CFAP77: variants seen among roughly 807,000 people sequenced by gnomAD.
The protein encoded by CFAP77 is cilia- and flagella-associated protein 77.
A neutral mutation model predicts 31.1 loss-of-function variants in CFAP77; 25 were observed. That is an observed-to-expected ratio of 0.80 (90% confidence interval 0.59 to 1.12). CFAP77 has a LOEUF of 1.12. CFAP77 is among the 50% of genes most tolerant of loss of function. CFAP77 has a pLI of 0.00. For missense variants in CFAP77, 377 were observed against 397.3 expected (o/e 0.95, Z 0.44); for synonymous variants, 151 against 159.9 (o/e 0.94, Z 0.42).
chr9:132,470,088 C>T (rs926617873), intron 1 of CFAP77, among the ~76,000 whole-genome samples: 1 of 152,194 alleles, frequency 6.6e-6, no homozygotes, highest in Admixed American at 6.5e-5. Context: ...ATCTGCCCAC[C>T]TCAGCCTCCC....
chr9:132,411,518 G>T (rs1371834925), intron 1 of CFAP77, among the ~76,000 whole-genome samples: 1 of 152,158 alleles, frequency 6.6e-6, no homozygotes, highest in Non-Finnish European at 1.5e-5. Context: ...CTGCCTAGGC[G>T]CAGGCTGCAC....
At position 132,525,315 on chromosome 9, in the gene CFAP77, C is replaced by T. The variant is rs12336723; in HGVS notation, c.525-12286C>T. On this transcript the variant is annotated intron_variant, in intron 3 of 5. Coordinates refer to ENST00000393216, the MANE Select transcript of CFAP77 (RefSeq NM_001282957.2). ...GATTACAGGTGTGAGCCACCACGCT[C>T]GGCCCCAGTATGATAGTAATTTTAA... Among the ~76,000 whole-genome samples, 1,324 of 152,216 alleles carry T rather than the reference C, an allele frequency of 8.7e-3. 29 individuals are homozygous for T. The highest frequency in any genetic ancestry group is 0.029 in the African/African-American group (1,206 of 41,526).
intron 3 of CFAP77, among the ~76,000 whole-genome samples, chr9:132,500,239 C>T (rs528269963): frequency 4.6e-5 from 7 of 152,212 alleles, no homozygotes; most frequent in African/African-American, 7.2e-5. Flanking sequence ...GCACCACCCC[C>T]GGGAAGCCAG....
chr9:132,476,791 C>G (rs961352171), intron 1 of CFAP77, among the ~76,000 whole-genome samples: 1 of 152,108 alleles, frequency 6.6e-6, no homozygotes, highest in Non-Finnish European at 1.5e-5. Flanking sequence ...CACCAGCAGC[C>G]GGGAGAGAGG....
At chr9:132,453,990 A>C (rs1850873469) in intron 1 of CFAP77, among the ~76,000 whole-genome samples, 1 of 152,238 alleles carries the variant, frequency 6.6e-6, no homozygotes, top group African/African-American at 2.4e-5. Context: ...CCTAATAAGT[A>C]GGTTGCCCAG....
In CFAP77 at chr9:132,495,462, G is replaced by T. The variant is rs1011240079; in HGVS notation, c.196-3233G>T. Among the ~76,000 whole-genome samples, 1 of 152,142 alleles carries T rather than the reference G, an allele frequency of 6.6e-6. No homozygotes were observed. ...GGCCGGATCATTTTCATAAACAAAT[G>T]AGAGGCCAGAGCTTTGTCTGTAACT... On this transcript the variant is annotated intron_variant, in intron 1 of 5. Coordinates refer to ENST00000393216, the MANE Select transcript of CFAP77 (RefSeq NM_001282957.2). This position sits in a 1 kb window ranked among gnomAD's most constrained non-coding sequence, Gnocchi z 4.2.
chr9:132,491,795 G>C (rs1851656861), intron 1 of CFAP77, among the ~76,000 whole-genome samples: 1 of 152,166 alleles, frequency 6.6e-6, no homozygotes, highest in African/African-American at 2.4e-5. Context: ...TGAGAAGTTT[G>C]GTGATGTTTT....
intron 5 of CFAP77, among the ~76,000 whole-genome samples, chr9:132,556,474 G>T (rs774935263): frequency 4.0e-4 from 61 of 152,218 alleles, no homozygotes; most frequent in Non-Finnish European, 6.0e-4. Flanking sequence ...ATTGAAAGCG[G>T]CCTCACTGTC....
At chr9:132,482,441 A>G in intron 1 of CFAP77, 2 of 1,585,754 alleles carry the variant, frequency 1.3e-6, no homozygotes, top group Non-Finnish European at 1.7e-6. Flanking sequence ...CTGCTAAAAT[A>G]ATGTCACCCT....
intron 1 of CFAP77, among the ~76,000 whole-genome samples, chr9:132,450,220 A>G (rs557170845): frequency 1.8e-3 from 276 of 151,022 alleles, no homozygotes; most frequent in Non-Finnish European, 3.5e-3. Flanking sequence ...GTGAGCCACC[A>G]CGCCCGGCCG....
intron 1 of CFAP77, among the ~76,000 whole-genome samples, chr9:132,458,357 G>GTGGGGGT (rs1554738861): frequency 8.4e-6 from 1 of 119,116 alleles, no homozygotes; most frequent in Non-Finnish European, 1.7e-5. Flanking sequence ...GAGGGGGGGG[G>GTGGGGGT]GTGTGTATGG....
At chr9:132,537,748 G>A in intron 4 of CFAP77, 42 bp downstream of exon 4, 1 of 1,491,668 alleles carries the variant, frequency 6.7e-7, no homozygotes, top group Non-Finnish European at 9.3e-7. Flanking sequence ...CTGATGGGGT[G>A]GAGAAGAGAG....
intron 1 of CFAP77, among the ~76,000 whole-genome samples, chr9:132,442,561 A>G (rs1850630114): frequency 6.6e-6 from 1 of 152,120 alleles, no homozygotes; most frequent in African/African-American, 2.4e-5. Flanking sequence ...TCAAAAAAGA[A>G]ATCTCTGTGT....
chr9:132,469,988 T>C (rs550049952), intron 1 of CFAP77, among the ~76,000 whole-genome samples: 13 of 152,164 alleles, frequency 8.5e-5, no homozygotes, highest in African/African-American at 3.1e-4. Context: ...AACAGGCATG[T>C]GCCACCACAC....
At chr9:132,544,887 C>T (rs1277106795) in intron 5 of CFAP77, among the ~76,000 whole-genome samples, 1 of 152,212 alleles carries the variant, frequency 6.6e-6, no homozygotes, top group Non-Finnish European at 1.5e-5. Context: ...CTGGCATGGG[C>T]TGCCCTCTGC....
In CFAP77 at chr9:132,501,227, T is replaced by C. The variant is rs1158881021; in HGVS notation, c.524+1627T>C. On this transcript the variant is annotated intron_variant, in intron 3 of 5. Coordinates refer to ENST00000393216, the MANE Select transcript of CFAP77 (RefSeq NM_001282957.2). The surrounding 1 kb of genome is among the most constrained non-coding windows in gnomAD (Gnocchi z 4.6). ...ATCAGCATCAGGTCTCTCTGTTTCT[T>C]GGCTGTGCTTCCTGATTTTGGCTCC... Among the ~76,000 whole-genome samples, 3 of 152,216 alleles carry C rather than the reference T, an allele frequency of 2.0e-5. No individual in the cohort carries two copies. The highest frequency in any genetic ancestry group is 7.2e-5 in the African/African-American group (3 of 41,456).
chr9:132,421,927 AT>A lies in CFAP77; in HGVS notation c.195+11464del, dbSNP rs552475975. On this transcript the variant is annotated intron_variant, in intron 1 of 5. Transcript: ENST00000393216. ...CCATCCTTCATTTGCTCATTTGACC[AT>A]TTGCAAAATGTTTATTGAGGAGCTG... is the stretch of plus-strand genomic sequence containing the variant. 3.7e-4 allele frequency among the ~76,000 whole-genome samples: 57 copies of A among 152,058 alleles called. No homozygotes were observed. In the South Asian group the frequency reaches 0.01, roughly 28 times the overall value.
intron 1 of CFAP77, among the ~76,000 whole-genome samples, chr9:132,458,611 G>A (rs76805506): frequency 0.028 from 4,335 of 152,236 alleles, 208 homozygotes; most frequent in African/African-American, 0.098. Flanking sequence ...ACTGTCCGGT[G>A]GAACTTTCTG....
rs1280830336 is a variant in CFAP77 at position 132,529,834 on chromosome 9, AAAAG to A, written c.525-7763_525-7760del. ...ACCAAGACTCTGTCTCAAAAAAAAA[AAAAG>A]AAAAGAAAAGAAAAGAAAAAGAAAC... On this transcript the variant is annotated intron_variant, in intron 3 of 5. Coordinates refer to ENST00000393216, the MANE Select transcript of CFAP77 (RefSeq NM_001282957.2). Among the ~76,000 whole-genome samples, 486 of 146,064 alleles carry A rather than the reference AAAAG, an allele frequency of 3.3e-3. 3 individuals are homozygous for A. The highest frequency in any genetic ancestry group is 0.011 in the African/African-American group (421 of 39,744).
Sources: allele counts gnomAD v4.1 joint callset (sites outside exome capture counted in the v4.1 genomes callset), GRCh38; gene constraint gnomAD v4.1.1; non-coding constraint Gnocchi (gnomAD v3.1); transcripts MANE v1.5; gene names NCBI Gene and HGNC (gene_info 2026-07-23, HGNC 2026-07-21).